Variants in MAMLD1 observed in about 807,000 individuals in gnomAD.
MAMLD1 encodes the protein mastermind-like domain-containing protein 1.
In MAMLD1, 14 loss-of-function variants were observed where a neutral mutation model predicts 45.0. The ratio of observed to expected loss-of-function variants is 0.31; its 90% CI spans 0.21 to 0.49. The LOEUF is 0.49. MAMLD1 is among the 20% of genes least tolerant of loss of function. MAMLD1 has a pLI of 0.99. For synonymous variants in MAMLD1, 254 were observed against 247.8 expected (o/e 1.02, Z -0.24); for missense variants, 543 against 603.6 (o/e 0.90, Z 1.05).
At chrX:150,403,915 A>G (rs2033890217) in intron 1 of MAMLD1, among the ~76,000 whole-genome samples, 86 of 97,331 alleles carry the variant, frequency 8.8e-4, no homozygotes, top group East Asian at 4.1e-3. Context: ...AAGAAAGAAA[A>G]AGAAAGAAAG....
intron 1 of MAMLD1, among the ~76,000 whole-genome samples, chrX:150,377,819 T>TCACACA (rs3066915): frequency 0.26 from 23,993 of 91,613 alleles, 2,708 homozygotes; most frequent in African/African-American, 0.36. Flanking sequence ...TACCACCCCC[T>TCACACA]CACACACACA....
chrX:150,425,167 C>G (rs1207190550), intron 1 of MAMLD1, among the ~76,000 whole-genome samples: 16 of 111,882 alleles, frequency 1.4e-4, no homozygotes. Flanking sequence ...GTTGTTTCTA[C>G]TTTGGGCTAC....
At chrX:150,414,045 A>AAAAAAT (rs2034192463) in intron 1 of MAMLD1, among the ~76,000 whole-genome samples, 1 of 106,197 alleles carries the variant, frequency 9.4e-6, no homozygotes, top group Non-Finnish European at 1.9e-5. Context: ...AAAAAAAAAA[A>AAAAAAT]AAAGAGCCAT....
Position 150,513,131 on chromosome X carries a change from C to G in MAMLD1, c.*1172C>G, listed in dbSNP as rs2037952629. On this transcript the variant is annotated 3_prime_UTR_variant, in exon 8 of 8. Transcript: ENST00000370401. ...GTGACATCACTCTAGGAAGTGGTGT[C>G]GATCCATACCCGCAGTTGTCTCCCG... The G allele has an allele frequency of 1.0e-6, 1 of 971,258 alleles. No homozygotes were observed. The highest frequency in any genetic ancestry group is 1.4e-6 in the Non-Finnish European group (1 of 722,807). 80.0% of individuals were successfully genotyped at this position (971,258 alleles called of 1,213,427 possible). A position where few individuals can be genotyped will look rare whatever the true frequency, so the allele number is the denominator to read the frequency against.
At chrX:150,422,294 C>T (rs1557403590) in intron 1 of MAMLD1, among the ~76,000 whole-genome samples, 1 of 112,346 alleles carries the variant, frequency 8.9e-6, no homozygotes, top group Non-Finnish European at 1.9e-5. Flanking sequence ...GGGCTCATGC[C>T]CTGGCTTGGG....
At chrX:150,472,135 C>T (rs781802305) in intron 4 of MAMLD1, among the ~76,000 whole-genome samples, 2 of 112,093 alleles carry the variant, frequency 1.8e-5, no homozygotes, top group East Asian at 5.6e-4. Flanking sequence ...CAGGTGGTCT[C>T]ACTCCAGAGC....
chrX:150,503,541 C>T (rs781814406), intron 6 of MAMLD1, 24 bp downstream of exon 6: 8 of 932,942 alleles, frequency 8.6e-6, no homozygotes, highest in South Asian at 4.1e-5. Context: ...CCCTGAGCCT[C>T]GCTTTCCTCA....
chrX:150,369,768 C>G (rs1557400922), intron 1 of MAMLD1, among the ~76,000 whole-genome samples: 1 of 111,340 alleles, frequency 9.0e-6, no homozygotes, highest in Admixed American at 9.5e-5. Flanking sequence ...AAAAGGCCTT[C>G]CATCCACACA....
intron 5 of MAMLD1, among the ~76,000 whole-genome samples, chrX:150,478,942 T>C (rs2036666521): frequency 8.9e-6 from 1 of 112,287 alleles, no homozygotes; most frequent in African/African-American, 3.2e-5. Flanking sequence ...CGGGGACCGA[T>C]ATCTCAGTGT....
intron 2 of MAMLD1, among the ~76,000 whole-genome samples, chrX:150,456,624 G>T (rs1412462497): frequency 8.9e-6 from 1 of 111,811 alleles, no homozygotes; most frequent in Non-Finnish European, 1.9e-5. Flanking sequence ...ACTAGAAGCC[G>T]CATCCTGTAT....
At chrX:150,451,879 G>A (rs1032205376) in intron 2 of MAMLD1, among the ~76,000 whole-genome samples, 9 of 111,006 alleles carry the variant, frequency 8.1e-5, no homozygotes, top group Non-Finnish European at 1.1e-4. Flanking sequence ...CTCTTGCTCC[G>A]GGCCCCCTCA....
chrX:150,480,140 G>A (rs1169274162), intron 5 of MAMLD1, among the ~76,000 whole-genome samples: 14 of 111,773 alleles, frequency 1.3e-4, no homozygotes, highest in African/African-American at 3.6e-4. Flanking sequence ...CCTTTCCCGA[G>A]TCTATTTGTA....
intron 1 of MAMLD1, among the ~76,000 whole-genome samples, chrX:150,368,634 C>T (rs1326433702): frequency 1.8e-5 from 2 of 111,632 alleles, no homozygotes; most frequent in African/African-American, 3.3e-5. Context: ...GAAGTCCTTG[C>T]CCATGCCTAT....
At chrX:150,448,627 A>G (rs906752053) in intron 2 of MAMLD1, among the ~76,000 whole-genome samples, 1 of 112,371 alleles carries the variant, frequency 8.9e-6, no homozygotes, top group Admixed American at 9.4e-5. Flanking sequence ...ACATTTGGGC[A>G]TCTACCCAAG....
intron 7 of MAMLD1, 78 bp downstream of exon 7, chrX:150,510,124 G>C: frequency 1.6e-6 from 1 of 641,680 alleles, no homozygotes. Flanking sequence ...ATTCATTTCA[G>C]AGTAAGCAGT....
In MAMLD1 at chrX:150,374,320, C is replaced by A. The variant is rs143779917; in HGVS notation, c.-64+10790C>A. Among the ~76,000 whole-genome samples, 374 of 112,292 alleles carry A rather than the reference C, an allele frequency of 3.3e-3. 2 individuals are homozygous for A. Among genetic ancestry groups the A allele is most frequent in the African/African-American group, 0.011 (348 of 30,862 alleles). On this transcript the variant is annotated intron_variant, in intron 1 of 7. Transcript: ENST00000370401. ...ACCAACTGTGGGATTTTAGGCAAGTCTGTGAACCTGCCAAGTCTCAGTGCC... is the reference window on the plus strand; with the variant it reads ...ACCAACTGTGGGATTTTAGGCAAGTATGTGAACCTGCCAAGTCTCAGTGCC...
chrX:150,446,025 T>C (rs2035476951), intron 2 of MAMLD1, among the ~76,000 whole-genome samples: 2 of 111,774 alleles, frequency 1.8e-5, no homozygotes, highest in African/African-American at 6.5e-5. Context: ...CAGAGAGGTC[T>C]TCCCATTCAA....
In MAMLD1 at chrX:150,387,040, A is replaced by G. The variant is rs782170881; in HGVS notation, c.-64+23510A>G. ...AGAAGAAAATACACATAATTTTAAA[A>G]TATCTTAAACTCTTTTATTCCTTAC... On this transcript the variant is annotated intron_variant, in intron 1 of 7. Transcript: ENST00000370401. Among the ~76,000 whole-genome samples, 4 of 111,650 alleles carry G rather than the reference A, an allele frequency of 3.6e-5. No individual in the cohort carries two copies. In the East Asian group the frequency reaches 1.1e-3, roughly 31 times the overall value.
intron 1 of MAMLD1, among the ~76,000 whole-genome samples, chrX:150,399,111 C>G (rs1001513268): frequency 1.8e-5 from 2 of 111,933 alleles, no homozygotes; most frequent in African/African-American, 3.3e-5. Context: ...AAAGGTTTCT[C>G]TACCACAGTA....
Sources: gnomAD v4.1 joint callset for allele counts (sites outside exome capture counted in the v4.1 genomes callset) on GRCh38, gnomAD v4.1.1 for gene constraint, MANE v1.5 for transcripts, NCBI Gene and HGNC (gene_info 2026-07-23, HGNC 2026-07-21) for gene names.